RANBP2: variants seen among roughly 807,000 people sequenced by gnomAD.
The protein encoded by RANBP2 is RAN binding protein 2.
Under a neutral mutation model 303.6 loss-of-function variants are expected in RANBP2, and 57 were observed. The observed-to-expected ratio is 0.19, with a 90% CI of 0.15 to 0.23. RANBP2 has a LOEUF of 0.23. Ranked by LOEUF, RANBP2 falls within the 10% of genes least tolerant of loss-of-function variation. RANBP2 has a pLI of 1.00. For missense variants in RANBP2, 3,138 were observed against 3,780.8 expected, an observed-to-expected ratio of 0.83 and a Z score of 4.46; for synonymous variants, 1,167 against 1,301.5, an observed-to-expected ratio of 0.90 and a Z score of 2.23.
chr2:109,407,102 G>T, the RANBP2 span, among the ~76,000 whole-genome samples: 1 of 152,212 alleles, frequency 6.6e-6, no homozygotes, highest in Non-Finnish European at 1.5e-5. Flanking sequence ...TCCTGCCTCT[G>T]GGCAGGGGCT....
chr2:108,913,726 G>A, the RANBP2 span, among the ~76,000 whole-genome samples: 28 of 152,118 alleles, frequency 1.8e-4, no homozygotes, highest in African/African-American at 6.5e-4. Flanking sequence ...AAGAGGTGGC[G>A]GATCACGAGG....
the RANBP2 span, among the ~76,000 whole-genome samples, chr2:109,718,232 A>G: frequency 6.6e-6 from 1 of 152,202 alleles, no homozygotes; most frequent in Non-Finnish European, 1.5e-5. Flanking sequence ...AACCCAAGAG[A>G]CATAAAAGCA....
In RANBP2 at chr2:108,766,518, C is replaced by T. The variant is rs757493880; in HGVS notation, c.5979C>T (p.Ser1993=). The T allele has an allele frequency of 1.3e-4, 202 of 1,611,778 alleles. No homozygotes were observed. The highest frequency in any genetic ancestry group is 1.6e-4 in the Non-Finnish European group (184 of 1,179,852). The change falls in exon 20 of 29, where the codon TCC becomes TCT. Residue 1993 remains serine (S), a synonymous_variant. Coordinates refer to ENST00000283195, the MANE Select transcript of RANBP2 (RefSeq NM_006267.5). ...AAATGGCCAATAAAGCAAACACTTCCGGTGACTTTGAGAAAGATGATGATG... is the reference window on the plus strand; with the variant it reads ...AAATGGCCAATAAAGCAAACACTTCTGGTGACTTTGAGAAAGATGATGATG... ...YGKMANKANT[S]GDFEKDDDAY... is the part of the protein sequence containing the mutation.
the RANBP2 span, among the ~76,000 whole-genome samples, chr2:109,071,609 G>T: frequency 6.6e-6 from 1 of 152,136 alleles, no homozygotes. Flanking sequence ...GGGAGGTAGA[G>T]GTTGCAGCGA....
At chr2:109,622,571 G>T in the RANBP2 span, among the ~76,000 whole-genome samples, 5,859 of 152,172 alleles carry the variant, frequency 0.039, 116 homozygotes, top group South Asian at 0.077. Context: ...AATTAATTTG[G>T]GTCAGGAAAG....
At chr2:109,408,014 G>A in the RANBP2 span, among the ~76,000 whole-genome samples, 8 of 152,084 alleles carry the variant, frequency 5.3e-5, no homozygotes, top group Non-Finnish European at 1.2e-4. Context: ...GGCCATCCTT[G>A]GGCAGAGTCA....
the RANBP2 span, among the ~76,000 whole-genome samples, chr2:109,550,881 C>T: frequency 6.6e-6 from 1 of 152,110 alleles, no homozygotes; most frequent in Non-Finnish European, 1.5e-5. Flanking sequence ...TTGTAAATTA[C>T]CGAGCATACT....
the RANBP2 span, among the ~76,000 whole-genome samples, chr2:109,114,379 G>T: frequency 3.0e-4 from 46 of 152,190 alleles, 1 homozygote; most frequent in Admixed American, 6.5e-4. Flanking sequence ...ATGTGTTGAG[G>T]AATTTACCCA....
chr2:109,479,162 T>C, the RANBP2 span, among the ~76,000 whole-genome samples: 1 of 151,332 alleles, frequency 6.6e-6, no homozygotes, highest in South Asian at 2.1e-4. Flanking sequence ...GTTCCGAGAG[T>C]GAGTGCACGG....
chr2:109,667,172 C>T, the RANBP2 span: 3 of 1,334,046 alleles, frequency 2.2e-6, no homozygotes, highest in South Asian at 2.5e-5. Context: ...ATTCACTGCA[C>T]ATTCCAAAAG....
the RANBP2 span, among the ~76,000 whole-genome samples, chr2:109,096,220 T>C: frequency 6.6e-6 from 1 of 152,234 alleles, no homozygotes; most frequent in Non-Finnish European, 1.5e-5. Flanking sequence ...GCTTATTTAA[T>C]GTATCAAAAC....
the RANBP2 span, chr2:109,615,836 C>T: frequency 6.2e-7 from 1 of 1,614,104 alleles, no homozygotes; most frequent in East Asian, 2.2e-5. Flanking sequence ...AGGGGTGGGT[C>T]GGAGGCAAAG....
chr2:108,923,050 G>GT, the RANBP2 span, among the ~76,000 whole-genome samples: 22 of 152,272 alleles, frequency 1.4e-4, no homozygotes, highest in African/African-American at 5.3e-4. Context: ...CACAATGACC[G>GT]TGAGAGATGG....
At chr2:109,332,241 A>G in the RANBP2 span, among the ~76,000 whole-genome samples, 1 of 152,138 alleles carries the variant, frequency 6.6e-6, no homozygotes, top group Non-Finnish European at 1.5e-5. Flanking sequence ...CTCTGAGTTC[A>G]GGGTAGAAAC....
the RANBP2 span, among the ~76,000 whole-genome samples, chr2:108,932,118 T>G: frequency 6.6e-6 from 1 of 152,218 alleles, no homozygotes; most frequent in African/African-American, 2.4e-5. Flanking sequence ...GACGAACATA[T>G]GCCATGATGC....
the RANBP2 span, among the ~76,000 whole-genome samples, chr2:109,611,442 T>G: frequency 6.6e-6 from 1 of 151,558 alleles, no homozygotes; most frequent in Non-Finnish European, 1.5e-5. Context: ...GAGAAAGGAC[T>G]GGAATCTAGT....
chr2:109,549,354 T>C, the RANBP2 span, among the ~76,000 whole-genome samples: 1 of 152,212 alleles, frequency 6.6e-6, no homozygotes, highest in Non-Finnish European at 1.5e-5. Context: ...CAGCACTTTA[T>C]ACATCATTCA....
the RANBP2 span, among the ~76,000 whole-genome samples, chr2:108,945,672 C>T: frequency 6.6e-6 from 1 of 152,128 alleles, no homozygotes; most frequent in Non-Finnish European, 1.5e-5. Flanking sequence ...TGCCATGGAT[C>T]CCAAATGGAT....
At chr2:109,686,065 T>A in the RANBP2 span, among the ~76,000 whole-genome samples, 2 of 152,026 alleles carry the variant, frequency 1.3e-5, no homozygotes, top group Non-Finnish European at 2.9e-5. Flanking sequence ...CAGACTCTGG[T>A]TTTCATATCT....
Sources: gnomAD v4.1 joint callset for allele counts (sites outside exome capture counted in the v4.1 genomes callset) on GRCh38, gnomAD v4.1.1 for gene constraint, MANE v1.5 for transcripts, NCBI Gene and HGNC (gene_info 2026-07-23, HGNC 2026-07-21) for gene names.